The following KIF13B variants were observed in gnomAD, a reference collection of about 807,000 sequenced individuals.
KIF13B encodes the protein kinesin family member 13B, also known as kinesin-like protein KIF13B.
KIF13B carries 127 observed loss-of-function variants against 222.0 expected under a neutral mutation model. That is an observed-to-expected ratio of 0.57 (90% CI 0.50 to 0.66). The LOEUF is 0.66. Among genes scored for constraint, KIF13B ranks in the 30% least tolerant of loss-of-function variants. KIF13B has a pLI of 0.00. For synonymous variants in KIF13B, 976 were observed against 919.0 expected (o/e 1.06, Z -1.12); for missense variants, 2,173 against 2,379.0 (o/e 0.91, Z 1.80).
intron 14 of KIF13B, among the ~76,000 whole-genome samples, chr8:29,150,990 C>T (rs747659955): frequency 1.4e-5 from 2 of 142,830 alleles, no homozygotes; most frequent in African/African-American, 6.1e-5. Flanking sequence ...AAAACCAAGA[C>T]AGGACGAAAA....
At position 29,116,921 on chromosome 8, in the gene KIF13B, C is replaced by A; in HGVS notation, c.3747G>T (p.Leu1249=). 1 of 1,613,474 alleles carries A rather than the reference C, an allele frequency of 6.2e-7. No homozygotes were observed. Among genetic ancestry groups the A allele is most frequent in the South Asian group, 1.1e-5 (1 of 91,008 alleles). The change falls in exon 31 of 40, where the codon CTG becomes CTT. Residue 1249 remains leucine, a synonymous_variant. Coordinates refer to ENST00000524189, the MANE Select transcript of KIF13B (RefSeq NM_015254.4). Reference sequence around the variant, plus strand: ...TGAGCTGGACCGTCACGCGCACGATCAGGAACAACCGCTCGTCCACGGGCG... The same window carrying A: ...TGAGCTGGACCGTCACGCGCACGATAAGGAACAACCGCTCGTCCACGGGCG... ...RGTPVDERLF[L]IVRVTVQLSH... is the part of the protein sequence containing the mutation.
intron 18 of KIF13B, 100 bp downstream of exon 18, chr8:29,146,267 CTGGACTTGGGG>C (rs966634026): frequency 1.8e-5 from 19 of 1,070,690 alleles, no homozygotes; most frequent in Middle Eastern, 2.0e-4. Flanking sequence ...GACAAAGGAT[CTGGACTTGGGG>C]CAGGCACAGA....
intron 27 of KIF13B, 47 bp from the exon 28 acceptor site, chr8:29,123,539 T>C: frequency 6.2e-7 from 1 of 1,608,864 alleles, no homozygotes; most frequent in Non-Finnish European, 8.5e-7. Flanking sequence ...TCACTTGCCA[T>C]TTATCTTTTT....
chr8:29,259,113 AAC>A (rs1166042777), intron 1 of KIF13B, among the ~76,000 whole-genome samples: 1 of 152,102 alleles, frequency 6.6e-6, no homozygotes, highest in Admixed American at 6.6e-5. Context: ...TTTTTCCACT[AAC>A]AGAGAAAACG....
intron 37 of KIF13B, among the ~76,000 whole-genome samples, chr8:29,076,465 G>A (rs1807564159): frequency 6.6e-6 from 1 of 152,238 alleles, no homozygotes; most frequent in Non-Finnish European, 1.5e-5. Flanking sequence ...GCTCTTGTGC[G>A]TCTGGGCACT....
chr8:29,158,637 T>C (rs190823768), intron 13 of KIF13B, among the ~76,000 whole-genome samples: 67 of 152,350 alleles, frequency 4.4e-4, no homozygotes, highest in Admixed American at 1.2e-3. Context: ...TAATGAATAA[T>C]GCTCAGCCTC....
intron 23 of KIF13B, 100 bp from the exon 24 acceptor site, chr8:29,130,765 C>T: frequency 9.6e-7 from 1 of 1,041,122 alleles, no homozygotes; most frequent in Admixed American, 2.0e-5. Flanking sequence ...AAAATGACCT[C>T]CAAACAGAGT....
Position 29,070,820 on chromosome 8 carries a change from CT to C in KIF13B, c.5219-55del. ...GGGCAGCCGAGCTGCAGACGGCCCC[CT>C]GCACCTCCCTTACCTCTGCAGAGGC... On this transcript the variant is annotated intron_variant, in intron 39 of 39. Transcript: ENST00000524189. The surrounding 1 kb of genome is among the most constrained non-coding windows in gnomAD (Gnocchi z 4.1). 1 of 1,551,296 alleles carries C rather than the reference CT, an allele frequency of 6.4e-7. No homozygotes were observed. The highest frequency in any genetic ancestry group is 8.7e-7 in the Non-Finnish European group (1 of 1,145,878).
At chr8:29,132,555 A>AG in intron 22 of KIF13B, 90 bp from the exon 23 acceptor site, 1 of 810,590 alleles carries the variant, frequency 1.2e-6, no homozygotes, top group Non-Finnish European at 1.7e-6. Context: ...TAATTATATC[A>AG]GGGAAAAAAA....
chr8:29,167,017 G>A (rs936176315), intron 11 of KIF13B, among the ~76,000 whole-genome samples: 5 of 152,140 alleles, frequency 3.3e-5, no homozygotes, highest in Non-Finnish European at 7.3e-5. Context: ...CAAAAATCCT[G>A]CTCTCCATCA....
chr8:29,169,224 C>T (rs989104855), intron 10 of KIF13B, among the ~76,000 whole-genome samples: 2 of 152,116 alleles, frequency 1.3e-5, no homozygotes, highest in Non-Finnish European at 1.5e-5. Flanking sequence ...TTTGTGAGTT[C>T]GATTTATCAC....
At chr8:29,237,467 T>C (rs932688386) in intron 2 of KIF13B, among the ~76,000 whole-genome samples, 7 of 152,174 alleles carry the variant, frequency 4.6e-5, no homozygotes, top group Non-Finnish European at 7.4e-5. Context: ...ACTAACCATA[T>C]ACACAAACCC....
rs182989065 is a variant in KIF13B, at chr8:29,240,525, T to C, written c.149+4821A>G. The stretch of plus-strand genomic sequence containing the variant: ...AGGATTTGTTAAACTGATAGGTACA[T>C]AAAAGTGTTTCATTCTTTAGAACTT... On this transcript the variant is annotated intron_variant, in intron 2 of 39. Coordinates refer to ENST00000524189, the MANE Select transcript of KIF13B (RefSeq NM_015254.4). 1.7e-3 allele frequency among the ~76,000 whole-genome samples: 254 copies of C among 152,354 alleles called. 3 individuals carry two copies. The highest frequency in any genetic ancestry group is 5.9e-3 in the African/African-American group (244 of 41,588).
chr8:29,108,456 G>C lies in KIF13B; in HGVS notation c.4162-264C>G, dbSNP rs533120264. 3.7e-4 allele frequency among the ~76,000 whole-genome samples: 57 copies of C among 152,360 alleles called. No homozygotes were observed. In the South Asian group the frequency reaches 0.011, roughly 30 times the overall value. ...GTCACAACCGGCTGGACCTGAACAA[G>C]AGATGTCGCGTTGGGTGAGCCCTTC... On this transcript the variant is annotated intron_variant, in intron 34 of 39. Coordinates refer to ENST00000524189, the MANE Select transcript of KIF13B (RefSeq NM_015254.4).
intron 12 of KIF13B, among the ~76,000 whole-genome samples, chr8:29,163,628 G>A (rs1244409183): frequency 6.6e-6 from 1 of 152,224 alleles, no homozygotes; most frequent in Non-Finnish European, 1.5e-5. Flanking sequence ...GAAGAAGTAA[G>A]TGATCAAGAG....
intron 2 of KIF13B, among the ~76,000 whole-genome samples, chr8:29,234,581 T>C (rs1815424664): frequency 1.4e-5 from 2 of 147,920 alleles, no homozygotes; most frequent in Non-Finnish European, 1.5e-5. Flanking sequence ...AGATGAATAG[T>C]GCTATGGTTA....
chr8:29,134,158 A>G lies in KIF13B; in HGVS notation c.2666T>C (p.Phe889Ser), dbSNP rs1386964469. The change falls in exon 22 of 40, where the codon TTC becomes TCC. Residue 889 changes from phenylalanine (F) to serine (S), a missense_variant. Phe to Ser is a radical substitution (Grantham distance 155, BLOSUM62 -2). Around this residue, in one of 2 missense-constraint regions of KIF13B, gnomAD observed 1,480 missense variants for 1,722.8 expected, o/e 0.86. Transcript: ENST00000524189. Reference sequence around the variant, plus strand: ...TTGATCCCAGAAGCTGTATTTGCAGAACACAAAGTGGGACAGATGCTGTGG... The same window carrying G: ...TTGATCCCAGAAGCTGTATTTGCAGGACACAAAGTGGGACAGATGCTGTGG... ...GLPQHLSHFV[F>S]CKYSFWDQQE... is the part of the protein sequence containing the mutation. 6.2e-7 allele frequency: 1 copy of G among 1,614,040 alleles called. No homozygotes were observed. Among genetic ancestry groups the G allele is most frequent in the South Asian group, 1.1e-5 (1 of 91,080 alleles).
At chr8:29,102,289 A>T (rs1440172062) in intron 35 of KIF13B, among the ~76,000 whole-genome samples, 1 of 152,160 alleles carries the variant, frequency 6.6e-6, no homozygotes, top group East Asian at 1.9e-4. Context: ...CTGAAATCGA[A>T]AAAGATAAAT....
chr8:29,222,318 G>A (rs1343161232), intron 2 of KIF13B, among the ~76,000 whole-genome samples: 1 of 152,032 alleles, frequency 6.6e-6, no homozygotes, highest in Non-Finnish European at 1.5e-5. Context: ...GCATGGCACG[G>A]CACTGCACTC....
Sources: allele counts gnomAD v4.1 joint callset (sites outside exome capture counted in the v4.1 genomes callset), GRCh38; gene constraint gnomAD v4.1.1; regional missense constraint gnomAD v4.1.1; non-coding constraint Gnocchi (gnomAD v3.1); transcripts MANE v1.5; gene names NCBI Gene and HGNC (gene_info 2026-07-23, HGNC 2026-07-21).